DNAJC1: variants seen among roughly 807,000 people sequenced by gnomAD.
The protein encoded by DNAJC1 is dnaJ homolog subfamily C member 1.
A neutral mutation model predicts 76.6 loss-of-function variants in DNAJC1; 58 were observed. That is an observed-to-expected ratio of 0.76 (90% CI 0.61 to 0.94). The LOEUF is 0.94. Ranked by LOEUF, DNAJC1 falls within the 40% of genes least tolerant of loss-of-function variation. The probability of loss-of-function intolerance (pLI) is 0.00; values close to 1 mark genes in which losing one functional copy is unlikely to be tolerated. For synonymous variants in DNAJC1, 258 were observed against 267.9 expected (o/e 0.96, Z 0.36); for missense variants, 689 against 677.3 (o/e 1.02, Z -0.19).
intron 8 of DNAJC1, among the ~76,000 whole-genome samples, chr10:21,838,030 G>T (rs1835499079): frequency 6.7e-6 from 1 of 149,536 alleles, no homozygotes; most frequent in African/African-American, 2.5e-5. Flanking sequence ...CCCAGCCGCT[G>T]CCCCGTCCGG....
At chr10:21,962,237 G>C (rs555582671) in intron 1 of DNAJC1, among the ~76,000 whole-genome samples, 2 of 152,050 alleles carry the variant, frequency 1.3e-5, no homozygotes, top group South Asian at 4.1e-4. Context: ...GTTTAATGCT[G>C]TGCCCCTAAA....
intron 8 of DNAJC1, among the ~76,000 whole-genome samples, chr10:21,811,692 T>C (rs1023518166): frequency 1.1e-4 from 16 of 152,202 alleles, no homozygotes; most frequent in Non-Finnish European, 2.1e-4. Context: ...CTATCCATTC[T>C]CCTATTAATG....
chr10:21,872,716 A>G (rs1246410772), intron 8 of DNAJC1, among the ~76,000 whole-genome samples: 1 of 152,226 alleles, frequency 6.6e-6, no homozygotes, highest in East Asian at 1.9e-4. Flanking sequence ...GAAGTGCCAG[A>G]AGGTGGTGGG....
chr10:21,896,159 T>G (rs564341077), intron 7 of DNAJC1, among the ~76,000 whole-genome samples: 2 of 152,006 alleles, frequency 1.3e-5, no homozygotes, highest in African/African-American at 4.8e-5. Flanking sequence ...AGTGGAGCAA[T>G]AGAAGTGGGG....
At chr10:21,883,416 G>T (rs1337624970) in intron 7 of DNAJC1, among the ~76,000 whole-genome samples, 1 of 152,052 alleles carries the variant, frequency 6.6e-6, no homozygotes, top group Non-Finnish European at 1.5e-5. Flanking sequence ...GTATTTGCAT[G>T]TACTATACTG....
intron 1 of DNAJC1, among the ~76,000 whole-genome samples, chr10:21,986,805 T>G (rs1179763752): frequency 6.6e-6 from 1 of 152,148 alleles, no homozygotes; most frequent in Non-Finnish European, 1.5e-5. Flanking sequence ...CTTGCTCTTG[T>G]CACCCAGGCT....
rs144306668 is a variant in DNAJC1 at position 21,904,344 on chromosome 10, T to C, written c.820+178A>G. On this transcript the variant is annotated intron_variant, in intron 7 of 11. Coordinates refer to ENST00000376980, the MANE Select transcript of DNAJC1 (RefSeq NM_022365.4). ...TATCAAACTTTGGGTGGTAAAGTAA[T>C]GCTATAATGTAGGATGTTCCATGTC... 1.7e-3 allele frequency among the ~76,000 whole-genome samples: 258 copies of C among 151,710 alleles called. 2 individuals carry two copies. Among genetic ancestry groups the C allele is most frequent in the Non-Finnish European group, 2.6e-3 (179 of 67,932 alleles).
chr10:21,866,953 AAT>A (rs1192703897), intron 8 of DNAJC1, among the ~76,000 whole-genome samples: 1 of 152,172 alleles, frequency 6.6e-6, no homozygotes, highest in Non-Finnish European at 1.5e-5. Context: ...AAGAACTAGA[AAT>A]ATGTTTTAAG....
At position 21,775,923 on chromosome 10, in the gene DNAJC1, T is replaced by A. The variant is rs527641803; in HGVS notation, c.1099-9614A>T. ...GTGTATTAATAAATAGTCACATGGATTGTAACTGTGGTGGAATATGTTTCA... is the reference window on the plus strand; with the variant it reads ...GTGTATTAATAAATAGTCACATGGAATGTAACTGTGGTGGAATATGTTTCA... On this transcript the variant is annotated intron_variant, in intron 9 of 11. Transcript: ENST00000376980. Among the ~76,000 whole-genome samples the A allele has an allele frequency of 5.3e-5, 8 of 152,200 alleles. 1 individual carries two copies. Among genetic ancestry groups the A allele is most frequent in the African/African-American group, 1.9e-4 (8 of 41,534 alleles).
At chr10:21,955,693 T>G (rs1590066031) in intron 1 of DNAJC1, among the ~76,000 whole-genome samples, 1 of 152,312 alleles carries the variant, frequency 6.6e-6, no homozygotes, top group East Asian at 1.9e-4. Context: ...ATTAAAATTT[T>G]ATCAAACAAT....
At chr10:21,824,578 T>G (rs751870527) in intron 8 of DNAJC1, among the ~76,000 whole-genome samples, 29 of 152,224 alleles carry the variant, frequency 1.9e-4, no homozygotes, top group Admixed American at 1.3e-3. Flanking sequence ...TGCTAAACAG[T>G]CCTCTGGAGA....
At chr10:21,893,932 C>G (rs1225732943) in intron 7 of DNAJC1, among the ~76,000 whole-genome samples, 1 of 151,858 alleles carries the variant, frequency 6.6e-6, no homozygotes, top group Admixed American at 6.6e-5. Flanking sequence ...ACAAAGGAAA[C>G]AGAAGACAAA....
At chr10:21,813,030 C>G (rs899750675) in intron 8 of DNAJC1, among the ~76,000 whole-genome samples, 1 of 133,564 alleles carries the variant, frequency 7.5e-6, no homozygotes, top group Non-Finnish European at 1.6e-5. Context: ...CACACATACA[C>G]ACACACACAC....
chr10:21,925,905 C>T (rs895103703), intron 3 of DNAJC1, among the ~76,000 whole-genome samples: 17 of 152,198 alleles, frequency 1.1e-4, no homozygotes, highest in Non-Finnish European at 1.5e-5. Context: ...TAACTGTACA[C>T]TTAAAACAGG....
chr10:21,976,936 C>T (rs1838076543), intron 1 of DNAJC1, among the ~76,000 whole-genome samples: 1 of 152,142 alleles, frequency 6.6e-6, no homozygotes, highest in Non-Finnish European at 1.5e-5. Context: ...GTAACAACAA[C>T]AGCACAAACA....
intron 9 of DNAJC1, among the ~76,000 whole-genome samples, chr10:21,777,140 A>G (rs978340008): frequency 6.6e-6 from 1 of 152,216 alleles, no homozygotes; most frequent in Non-Finnish European, 1.5e-5. Context: ...TCTTTAATGA[A>G]TATCATTAAT....
At chr10:21,826,193 G>A (rs562326019) in intron 8 of DNAJC1, among the ~76,000 whole-genome samples, 12 of 125,134 alleles carry the variant, frequency 9.6e-5, no homozygotes, top group South Asian at 5.3e-4. Context: ...AGCTGAGATC[G>A]TGCCATTGCA....
rs1265334798 is a variant in DNAJC1 at position 21,908,223 on chromosome 10, AAT to A, written c.730-3613_730-3612del. ...TATATATAAAATATATATTATATAT[AAT>A]ATATATAAAATATATATAATATAGA... On this transcript the variant is annotated intron_variant, in intron 6 of 11. Transcript: ENST00000376980. Among the ~76,000 whole-genome samples, 502 of 71,438 alleles carry A rather than the reference AAT, an allele frequency of 7.0e-3. 4 individuals are homozygous for A. Among genetic ancestry groups the A allele is most frequent in the Non-Finnish European group, 8.9e-3 (378 of 42,470 alleles). The allele number at this position is 71,438 out of a possible 152,430, so 46.9% of individuals were successfully genotyped here.
chr10:21,930,085 T>C (rs567795951), intron 1 of DNAJC1, among the ~76,000 whole-genome samples: 6 of 152,198 alleles, frequency 3.9e-5, no homozygotes, highest in Non-Finnish European at 8.8e-5. Context: ...AAGAGATTCT[T>C]GTGCCTCAGC....
Sources: gnomAD v4.1 joint callset for allele counts (sites outside exome capture counted in the v4.1 genomes callset) on GRCh38, gnomAD v4.1.1 for gene constraint, MANE v1.5 for transcripts, NCBI Gene and HGNC (gene_info 2026-07-23, HGNC 2026-07-21) for gene names.